Variants in PARD3B observed in about 807,000 individuals in gnomAD.
PARD3B encodes par-3 family cell polarity regulator beta, also known as partitioning defective 3 homolog B.
Under a neutral mutation model 130.2 loss-of-function variants are expected in PARD3B, and 103 were observed. That is an observed-to-expected ratio of 0.79 (90% CI 0.67 to 0.93). PARD3B has a LOEUF of 0.93. Among genes scored for constraint, PARD3B ranks in the 40% least tolerant of loss-of-function variants. The pLI is 0.00. For missense variants in PARD3B, 1,609 were observed against 1,499.2 expected (o/e 1.07, Z -1.21); for synonymous variants, 583 against 553.2 (o/e 1.05, Z -0.76).
intron 18 of PARD3B, among the ~76,000 whole-genome samples, chr2:205,315,605 A>G (rs2042538326): frequency 6.6e-6 from 1 of 152,148 alleles, no homozygotes. Flanking sequence ...AAATCATACT[A>G]TTTAGTTTGG....
chr2:205,304,443 T>G (rs2336419), intron 18 of PARD3B, among the ~76,000 whole-genome samples: 1 of 151,612 alleles, frequency 6.6e-6, no homozygotes, highest in Non-Finnish European at 1.5e-5. Context: ...CGAGACCAGC[T>G]TGACTAACAT....
chr2:205,601,220 T>C (rs1243577342), intron 22 of PARD3B, among the ~76,000 whole-genome samples: 4 of 152,360 alleles, frequency 2.6e-5, no homozygotes, highest in Non-Finnish European at 5.9e-5. Context: ...TGGTATCTCA[T>C]TGTGGTTTTG....
At chr2:205,126,862 A>G (rs1257459097) in intron 10 of PARD3B, among the ~76,000 whole-genome samples, 1 of 151,746 alleles carries the variant, frequency 6.6e-6, no homozygotes, top group East Asian at 1.9e-4. Context: ...TTTGTGCAGT[A>G]TCATTAAATT....
At chr2:205,212,530 A>G (rs2037698270) in intron 15 of PARD3B, among the ~76,000 whole-genome samples, 1 of 152,230 alleles carries the variant, frequency 6.6e-6, no homozygotes, top group Non-Finnish European at 1.5e-5. Context: ...ACAAGCTGGG[A>G]CACGTGGAGC....
Position 205,458,338 on chromosome 2 carries a change from T to G in PARD3B, c.3044+17666T>G, listed in dbSNP as rs1250157070. On this transcript the variant is annotated intron_variant, in intron 20 of 22. Coordinates refer to ENST00000406610, the MANE Select transcript of PARD3B (RefSeq NM_001302769.2). The surrounding 1 kb of genome is among the most constrained non-coding windows in gnomAD (Gnocchi z 4.8). ...CTGTCTTTCTCTCTCTCTCCCTTCC[T>G]TCTGGGATCCAATAAAGCAAAAATA... 2.0e-5 allele frequency among the ~76,000 whole-genome samples: 3 copies of G among 152,004 alleles called. No individual in the cohort carries two copies. Among genetic ancestry groups the G allele is most frequent in the Admixed American group, 2.0e-4 (3 of 15,220 alleles).
chr2:204,862,032 T>C (rs1179316012), intron 2 of PARD3B, among the ~76,000 whole-genome samples: 1 of 151,602 alleles, frequency 6.6e-6, no homozygotes, highest in African/African-American at 2.4e-5. Context: ...TTTCACTCCA[T>C]GTTTATATTA....
At chr2:205,508,464 T>C (rs1469193753) in intron 21 of PARD3B, among the ~76,000 whole-genome samples, 1 of 151,144 alleles carries the variant, frequency 6.6e-6, no homozygotes, top group Non-Finnish European at 1.5e-5. Context: ...CCCAGCTACA[T>C]GAGAGGCTGA....
At chr2:204,911,694 A>G (rs569564898) in intron 2 of PARD3B, among the ~76,000 whole-genome samples, 1 of 152,346 alleles carries the variant, frequency 6.6e-6, no homozygotes, top group South Asian at 2.1e-4. Context: ...GCCAGGGTCA[A>G]CAGAAGGTCA....
chr2:205,117,366 C>A (rs2029944714), intron 6 of PARD3B, among the ~76,000 whole-genome samples: 1 of 152,194 alleles, frequency 6.6e-6, no homozygotes, highest in Admixed American at 6.6e-5. Flanking sequence ...GATGGCATGG[C>A]TGTTTGCTGT....
chr2:205,588,055 A>G (rs2054260186), intron 22 of PARD3B, among the ~76,000 whole-genome samples: 1 of 152,308 alleles, frequency 6.6e-6, no homozygotes, highest in African/African-American at 2.4e-5. Context: ...ACAGGAAGGA[A>G]AGGCAAAAAC....
At chr2:205,016,940 C>G (rs1696193120) in intron 3 of PARD3B, among the ~76,000 whole-genome samples, 2 of 152,096 alleles carry the variant, frequency 1.3e-5, no homozygotes, top group Non-Finnish European at 2.9e-5. Context: ...GATAGTTCCT[C>G]TAAGCACCAA....
intron 2 of PARD3B, among the ~76,000 whole-genome samples, chr2:204,860,798 A>C (rs2125626413): frequency 6.6e-6 from 1 of 152,290 alleles, no homozygotes; most frequent in Admixed American, 6.5e-5. Context: ...ATTATTTATA[A>C]AAAGTTTAAT....
intron 22 of PARD3B, among the ~76,000 whole-genome samples, chr2:205,556,820 T>G (rs889212189): frequency 6.6e-6 from 1 of 152,170 alleles, no homozygotes; most frequent in African/African-American, 2.4e-5. Flanking sequence ...AGTAGGGAAG[T>G]GGCTGTTTCC....
intron 2 of PARD3B, among the ~76,000 whole-genome samples, chr2:204,688,540 A>C (rs2037197172): frequency 6.6e-6 from 1 of 150,418 alleles, no homozygotes; most frequent in African/African-American, 2.5e-5. Context: ...AGATCACACC[A>C]GTGCAGGCCA....
At chr2:205,134,359 C>CAAAA (rs56722764) in intron 10 of PARD3B, among the ~76,000 whole-genome samples, 2 of 137,128 alleles carry the variant, frequency 1.5e-5, no homozygotes. Flanking sequence ...CCCATCTCTA[C>CAAAA]AAAAAAAAAA....
intron 2 of PARD3B, among the ~76,000 whole-genome samples, chr2:204,866,588 A>C (rs2045425070): frequency 6.6e-6 from 1 of 152,120 alleles, no homozygotes; most frequent in Non-Finnish European, 1.5e-5. Flanking sequence ...AAAAAAATAC[A>C]GTCAAAAGCA....
intron 15 of PARD3B, among the ~76,000 whole-genome samples, chr2:205,242,083 T>G (rs1199245938): frequency 6.6e-6 from 1 of 152,212 alleles, no homozygotes; most frequent in African/African-American, 2.4e-5. Context: ...AAATGTATTC[T>G]ATCAATTAAG....
At chr2:205,005,589 T>A (rs1695196571) in intron 3 of PARD3B, among the ~76,000 whole-genome samples, 1 of 152,102 alleles carries the variant, frequency 6.6e-6, no homozygotes, top group African/African-American at 2.4e-5. Flanking sequence ...TGATAAAATT[T>A]AAAAAATTTG....
chr2:205,317,243 T>C (rs2042593199), intron 18 of PARD3B, among the ~76,000 whole-genome samples: 1 of 152,226 alleles, frequency 6.6e-6, no homozygotes, highest in African/African-American at 2.4e-5. Flanking sequence ...TGAAAGTTTT[T>C]CTTCATCTGG....
Sources: gnomAD v4.1 joint callset for allele counts (sites outside exome capture counted in the v4.1 genomes callset) on GRCh38, gnomAD v4.1.1 for gene constraint, Gnocchi (gnomAD v3.1) non-coding constraint, MANE v1.5 for transcripts, NCBI Gene and HGNC (gene_info 2026-07-23, HGNC 2026-07-21) for gene names.